CACNA1A: variants seen among roughly 807,000 people sequenced by gnomAD.
The protein encoded by CACNA1A is calcium voltage-gated channel subunit alpha1 A.
CACNA1A carries 57 observed loss-of-function variants against 262.4 expected under a neutral mutation model. The ratio of observed to expected loss-of-function variants is 0.22; its 90% CI spans 0.18 to 0.27. The LOEUF (loss-of-function observed/expected upper bound fraction) is 0.27. Ranked by LOEUF, CACNA1A falls within the 10% of genes least tolerant of loss-of-function variation. The pLI is 1.00. For synonymous variants in CACNA1A, 1,431 were observed against 1,419.3 expected (o/e 1.01, Z -0.18); for missense variants, 2,526 against 3,562.8 (o/e 0.71, Z 7.41).
chr19:13,300,217 T>C (rs778450021), intron 18 of CACNA1A, among the ~76,000 whole-genome samples: 2 of 152,218 alleles, frequency 1.3e-5, no homozygotes, highest in Non-Finnish European at 2.9e-5. Flanking sequence ...CCTCCCCTAC[T>C]TTCTCTGTAG....
chr19:13,468,578 G>C (rs575836678), intron 1 of CACNA1A, among the ~76,000 whole-genome samples: 1 of 152,278 alleles, frequency 6.6e-6, no homozygotes, highest in Admixed American at 6.5e-5. Context: ...CTTCAGATCA[G>C]GAGTTTGAGA....
chr19:13,422,234 T>C (rs1365091451), intron 3 of CACNA1A, among the ~76,000 whole-genome samples: 2 of 151,996 alleles, frequency 1.3e-5, no homozygotes, highest in African/African-American at 4.8e-5. Context: ...GGTGGGAGGA[T>C]CACTTGAGCC....
intron 3 of CACNA1A, among the ~76,000 whole-genome samples, chr19:13,393,640 C>T (rs2059751947): frequency 7.1e-6 from 1 of 141,820 alleles, no homozygotes; most frequent in Admixed American, 7.6e-5. Flanking sequence ...CTTTAGCTTT[C>T]TCTTTCTTTC....
intron 22 of CACNA1A, among the ~76,000 whole-genome samples, chr19:13,279,401 C>G (rs1432544035): frequency 1.3e-5 from 2 of 152,118 alleles, no homozygotes; most frequent in African/African-American, 4.8e-5. Flanking sequence ...CCAAATGAAA[C>G]AGTCGACAGT....
At chr19:13,292,924 T>C (rs144147530) in intron 19 of CACNA1A, among the ~76,000 whole-genome samples, 3 of 152,240 alleles carry the variant, frequency 2.0e-5, no homozygotes, top group African/African-American at 7.2e-5. Context: ...AAATGAATAA[T>C]GTCTCTCCCG....
rs13344344 is a variant in CACNA1A, at chr19:13,350,390, C to G, written c.978+9216G>C. Among the ~76,000 whole-genome samples the G allele has an allele frequency of 7.0e-3, 1,067 of 152,248 alleles. 9 individuals carry two copies. The highest frequency in any genetic ancestry group is 0.025 in the African/African-American group (1,024 of 41,536). ...CACTGGCAAGATTCTCTCAGTTTCA[C>G]CTTGGGGAGGAAACACTTAGGGGTC... On this transcript the variant is annotated intron_variant, in intron 6 of 46. Transcript: ENST00000360228.
chr19:13,448,806 A>G (rs1017730853), intron 3 of CACNA1A, among the ~76,000 whole-genome samples: 14 of 152,224 alleles, frequency 9.2e-5, no homozygotes, highest in African/African-American at 3.1e-4. Context: ...TACTCCTACC[A>G]CAGAATACTA....
At chr19:13,343,820 G>A (rs2058714737) in intron 6 of CACNA1A, among the ~76,000 whole-genome samples, 1 of 152,178 alleles carries the variant, frequency 6.6e-6, no homozygotes. Flanking sequence ...CCTGTGAGAT[G>A]CAGCAGAAGC....
At chr19:13,393,413 T>C (rs2059744152) in intron 3 of CACNA1A, among the ~76,000 whole-genome samples, 1 of 152,126 alleles carries the variant, frequency 6.6e-6, no homozygotes, top group African/African-American at 2.4e-5. Flanking sequence ...AAAACTAATC[T>C]AGACTGTTTG....
At chr19:13,359,886 T>A (rs2059072079) in intron 5 of CACNA1A, 87 bp from the exon 6 acceptor site, 1 of 840,046 alleles carries the variant, frequency 1.2e-6, no homozygotes, top group Non-Finnish European at 1.8e-6. Context: ...TATAATGCTG[T>A]TGGAACGAAT....
At chr19:13,263,182 T>C (rs1481978491) in intron 24 of CACNA1A, 2 of 241,954 alleles carry the variant, frequency 8.3e-6, no homozygotes, top group African/African-American at 4.5e-5. Flanking sequence ...CTTTTTTCTT[T>C]TTTGAGACAG....
chr19:13,269,578 C>T (rs1285212039), intron 24 of CACNA1A, among the ~76,000 whole-genome samples: 1 of 152,226 alleles, frequency 6.6e-6, no homozygotes, highest in African/African-American at 2.4e-5. Context: ...CAGTTGCGGT[C>T]CTGCCTTTGG....
At chr19:13,474,795 CA>C (rs1978333424) in intron 1 of CACNA1A, among the ~76,000 whole-genome samples, 1 of 145,880 alleles carries the variant, frequency 6.9e-6, no homozygotes, top group Non-Finnish European at 1.5e-5. Context: ...CCAGCCTGGG[CA>C]ACAGAGGGAG....
intron 31 of CACNA1A, among the ~76,000 whole-genome samples, chr19:13,242,834 A>G (rs1457289602): frequency 6.6e-6 from 1 of 152,172 alleles, no homozygotes. Context: ...GCCCCACTCT[A>G]CATGAGAAGA....
At chr19:13,334,588 TGTGTTTG>T in intron 7 of CACNA1A, 95 bp from the exon 8 acceptor site, 1 of 649,608 alleles carries the variant, frequency 1.5e-6, no homozygotes, top group Non-Finnish European at 2.7e-6. Flanking sequence ...TGTGTGTGTG[TGTGTTTG>T]TGTGTGTGTG....
chr19:13,286,897 G>A lies in CACNA1A; in HGVS notation c.3159C>T (p.Asp1053=). 4 of 1,613,442 alleles carry A rather than the reference G, an allele frequency of 2.5e-6. No individual in the cohort carries two copies. Among genetic ancestry groups the A allele is most frequent in the South Asian group, 2.2e-5 (2 of 91,088 alleles). The change falls in exon 20 of 47, where the codon GAC becomes GAT. Residue 1053 remains aspartate, a synonymous_variant. Coordinates refer to ENST00000360228, the MANE Select transcript of CACNA1A (RefSeq NM_001127222.2). ...CCAGGGGTGGGTCTTGGCGGCCCAGGTCCTGCTGGATTGGCCGGGTGGTTG... is the reference window on the plus strand; with the variant it reads ...CCAGGGGTGGGTCTTGGCGGCCCAGATCCTGCTGGATTGGCCGGGTGGTTG... ...NLSTTRPIQQ[D]LGRQDPPLAE... is the part of the protein sequence containing the mutation.
intron 15 of CACNA1A, chr19:13,307,446 C>T (rs1218923076): frequency 9.4e-6 from 2 of 212,048 alleles, no homozygotes; most frequent in Non-Finnish European, 1.9e-5. Context: ...GTTGGCCAGG[C>T]TGGTCTCGAA....
chr19:13,262,492 A>G (rs1462706662), intron 25 of CACNA1A: 3 of 460,038 alleles, frequency 6.5e-6, no homozygotes, highest in East Asian at 7.2e-5. Context: ...AGGAAAAAGG[A>G]TCTTAACCCC....
intron 2 of CACNA1A, 72 bp from the exon 3 acceptor site, chr19:13,453,087 C>T (rs2060944474): frequency 2.0e-6 from 3 of 1,527,748 alleles, no homozygotes; most frequent in East Asian, 4.5e-5. Context: ...AACCAGCCCA[C>T]CTAGAAATCA....
Sources: allele counts gnomAD v4.1 joint callset (sites outside exome capture counted in the v4.1 genomes callset), GRCh38; gene constraint gnomAD v4.1.1; transcripts MANE v1.5; gene names NCBI Gene and HGNC (gene_info 2026-07-23, HGNC 2026-07-21).